RBM3: variants seen among roughly 807,000 people sequenced by gnomAD.
RBM3 encodes the protein RNA-binding protein 3.
Under a neutral mutation model 12.0 loss-of-function variants are expected in RBM3, and 3 were observed. The ratio of observed to expected loss-of-function variants is 0.25; its 90% confidence interval spans 0.11 to 0.65. The LOEUF (loss-of-function observed/expected upper bound fraction) is 0.65. RBM3 is among the 30% of genes least tolerant of loss of function. RBM3 has a pLI of 0.84. For missense variants in RBM3, 108 were observed against 134.5 expected (o/e 0.80, Z 0.97); for synonymous variants, 58 against 45.7 (o/e 1.27, Z -1.08).
At chrX:48,574,783 GGACTGGTGGCGTCGGTGGTGGCAGT>G (rs1209727577) in intron 1 of RBM3, 6 of 334,109 alleles carry the variant, frequency 1.8e-5, no homozygotes, top group African/African-American at 1.6e-4. Context: ...CTACCGGGAG[GGACTGGTGGCGTCGGTGGTGGCAGT>G]GACCACGCGA....
intron 3 of RBM3, 125 bp from the exon 4 acceptor site, chrX:48,576,189 G>A: frequency 8.6e-7 from 1 of 1,167,513 alleles, no homozygotes; most frequent in Non-Finnish European, 1.1e-6. Flanking sequence ...CTGGAACATG[G>A]CACCCAGAAC....
Position 48,576,406 on chromosome X carries a change from C to A in RBM3, c.303C>A (p.Arg101=). Residue 101 remains arginine, a synonymous_variant, in exon 4 of 7, where the codon CGC becomes CGA. Coordinates refer to ENST00000376759, the MANE Select transcript of RBM3 (RefSeq NM_006743.5). ...GGGFGAHGRG[R]SYSRGGGDQG... The stretch of plus-strand genomic sequence containing the variant: ...GCTTTGGGGCCCATGGGCGTGGTCG[C>A]AGCTACTCTAGAGGTGAGTGCAGTG... 2 of 1,210,190 alleles carry A rather than the reference C, an allele frequency of 1.7e-6. No individual in the cohort carries two copies. Among genetic ancestry groups the A allele is most frequent in the Non-Finnish European group, 2.2e-6 (2 of 894,890 alleles).
At position 48,579,098 on chromosome X, in the gene RBM3, AGTG is replaced by A. The variant is rs1397739020; in HGVS notation, c.*1660_*1662del. On this transcript the variant is annotated 3_prime_UTR_variant, in exon 7 of 7. Transcript: ENST00000376759. ...GGTGTGTGTGTGTCTTGGGTGGTAA[AGTG>A]GTAATTTTGTAATTCTAGCTGGTCT... The A allele has an allele frequency of 2.7e-5, 3 of 111,034 alleles. No homozygotes were observed. The Admixed American group carries it at 2.9e-4, about 11-fold the overall frequency. 9.2% of individuals were successfully genotyped at this position (111,034 alleles called of 1,213,427 possible). A position where few individuals can be genotyped will look rare whatever the true frequency, so the allele number is the denominator to read the frequency against.
chrX:48,579,104 A>G lies in RBM3; in HGVS notation c.*1663A>G, dbSNP rs1303392627. 2.7e-5 allele frequency: 3 copies of G among 111,021 alleles called. No individual in the cohort carries two copies. Among genetic ancestry groups the G allele is most frequent in the African/African-American group, 9.8e-5 (3 of 30,552 alleles). The allele number at this position is 111,021 out of a possible 1,213,427, so 9.1% of individuals were successfully genotyped here. ...TGTGTGTCTTGGGTGGTAAAGTGGTAATTTTGTAATTCTAGCTGGTCTTAG... is the reference window on the plus strand; with the variant it reads ...TGTGTGTCTTGGGTGGTAAAGTGGTGATTTTGTAATTCTAGCTGGTCTTAG... On this transcript the variant is annotated 3_prime_UTR_variant, in exon 7 of 7. Coordinates refer to ENST00000376759, the MANE Select transcript of RBM3 (RefSeq NM_006743.5).
At chrX:48,575,453 C>T in intron 2 of RBM3, 108 bp from the exon 3 acceptor site, 1 of 799,152 alleles carries the variant, frequency 1.3e-6, no homozygotes, top group Non-Finnish European at 1.8e-6. Flanking sequence ...TTAGTGGGAG[C>T]GCTCCGTTTT....
At position 48,577,314 on chromosome X, in the gene RBM3, T is replaced by C. The variant is rs782597171; in HGVS notation, c.*24-151T>C. ...AGGGGGTGGGATCTGAAAACCCATCTCCTATAATCTTCTACTCTTGTGTGG... is the reference window on the plus strand; with the variant it reads ...AGGGGGTGGGATCTGAAAACCCATCCCCTATAATCTTCTACTCTTGTGTGG... On this transcript the variant is annotated intron_variant, in intron 6 of 6. Coordinates refer to ENST00000376759, the MANE Select transcript of RBM3 (RefSeq NM_006743.5). 11 of 946,246 alleles carry C rather than the reference T, an allele frequency of 1.2e-5. No homozygotes were observed. In the Admixed American group the frequency reaches 3.9e-4, roughly 34 times the overall value. The allele number at this position is 946,246 out of a possible 1,213,427, so 78.0% of individuals were successfully genotyped here. A position where few individuals can be genotyped will look rare whatever the true frequency, so the allele number is the denominator to read the frequency against.
At chrX:48,577,401 A>T (rs1316160732) in intron 6 of RBM3, 64 bp from the exon 7 acceptor site, 2 of 859,780 alleles carry the variant, frequency 2.3e-6, no homozygotes, top group Admixed American at 2.9e-5. Context: ...CAGCTCTAGG[A>T]GGTGAGCATG....
chrX:48,580,694 T>G lies in RBM3; in HGVS notation c.*3253T>G, dbSNP rs2062098360. 1 of 112,160 alleles carries G rather than the reference T, an allele frequency of 8.9e-6. No homozygotes were observed. The highest frequency in any genetic ancestry group is 3.2e-5 in the African/African-American group (1 of 30,841). The allele number at this position is 112,160 out of a possible 1,213,427, so 9.2% of individuals were successfully genotyped here. ...CAGGCGTGAGCCACCACACCTGGCC[T>G]AGGAGTTAAGAGTATTAAATGTTAA... On this transcript the variant is annotated 3_prime_UTR_variant, in exon 7 of 7. Transcript: ENST00000376759.
intron 1 of RBM3, 171 bp from the exon 2 acceptor site, chrX:48,574,997 T>A (rs782594464): frequency 3.3e-4 from 153 of 458,136 alleles, no homozygotes; most frequent in Non-Finnish European, 5.4e-4. Flanking sequence ...AGCCAGCTCC[T>A]CAGATTACCA....
chrX:48,575,133 C>T, intron 1 of RBM3, 35 bp from the exon 2 acceptor site: 1 of 1,025,696 alleles, frequency 9.7e-7, no homozygotes, highest in Non-Finnish European at 1.4e-6. Context: ...TTTTCTTTCT[C>T]CTTCCTGCCA....
At position 48,580,867 on chromosome X, in the gene RBM3, C is replaced by T. The variant is rs1266563639; in HGVS notation, c.*3426C>T. ...AGGTATATAAAAAAACATTGGTTGA[C>T]AATAAGCCAGTGTTCTGCCATTCTT... On this transcript the variant is annotated 3_prime_UTR_variant, in exon 7 of 7. Transcript: ENST00000376759. 9.0e-6 allele frequency: 1 copy of T among 111,535 alleles called. No homozygotes were observed. The highest frequency in any genetic ancestry group is 1.9e-5 in the Non-Finnish European group (1 of 53,145). 9.2% of individuals were successfully genotyped at this position (111,535 alleles called of 1,213,427 possible).
rs1556990115 is a variant in RBM3, at chrX:48,579,735, T to C, written c.*2294T>C. On this transcript the variant is annotated 3_prime_UTR_variant, in exon 7 of 7. Coordinates refer to ENST00000376759, the MANE Select transcript of RBM3 (RefSeq NM_006743.5). ...GAGGTAGGATCCATAATCAGTAATA[T>C]TCCTGCAACAAAATGTTCCTAAGTG... 1 of 111,630 alleles carries C rather than the reference T, an allele frequency of 9.0e-6. No homozygotes were observed. The highest frequency in any genetic ancestry group is 3.3e-5 in the African/African-American group (1 of 30,727). The allele number at this position is 111,630 out of a possible 1,213,427, so 9.2% of individuals were successfully genotyped here. A position where few individuals can be genotyped will look rare whatever the true frequency, so the allele number is the denominator to read the frequency against.
intron 1 of RBM3, 87 bp from the exon 2 acceptor site, chrX:48,575,081 C>G (rs1015947150): frequency 1.4e-6 from 1 of 690,648 alleles, no homozygotes. Context: ...ATTTTCTGTG[C>G]TTTTTCTCTG....
rs1234958060 is a variant in RBM3, at chrX:48,579,354, ATTAG to A, written c.*1916_*1919del. Among the ~76,000 whole-genome samples, 4 of 111,988 alleles carry A rather than the reference ATTAG, an allele frequency of 3.6e-5. No homozygotes were observed. The highest frequency in any genetic ancestry group is 1.9e-4 in the Admixed American group (2 of 10,466). On this transcript the variant is annotated 3_prime_UTR_variant, in exon 7 of 7. Coordinates refer to ENST00000376759, the MANE Select transcript of RBM3 (RefSeq NM_006743.5). ...CTGGTGCGTTGTGGAACCCTGTATTATTAGTTCCAGTCCTGGAGGCCTGCCTCCT... is the reference window on the plus strand; with the variant it reads ...CTGGTGCGTTGTGGAACCCTGTATTATTCCAGTCCTGGAGGCCTGCCTCCT...
chrX:48,580,179 C>T lies in RBM3; in HGVS notation c.*2738C>T. Reference sequence around the variant, plus strand: ...TGTCTGTACCAAAAATCTTTCTGAACCATTCACCAAATCTCTTGTCAAGGG... The same window carrying T: ...TGTCTGTACCAAAAATCTTTCTGAATCATTCACCAAATCTCTTGTCAAGGG... On this transcript the variant is annotated 3_prime_UTR_variant, in exon 7 of 7. Transcript: ENST00000376759. 9.0e-6 allele frequency: 1 copy of T among 111,558 alleles called. No individual in the cohort carries two copies. The highest frequency in any genetic ancestry group is 1.9e-5 in the Non-Finnish European group (1 of 53,130). The allele number at this position is 111,558 out of a possible 1,213,427, so 9.2% of individuals were successfully genotyped here.
At chrX:48,576,942 T>G (rs1556989428) in intron 5 of RBM3, 84 bp from the exon 6 acceptor site, 1 of 1,077,296 alleles carries the variant, frequency 9.3e-7, no homozygotes, top group East Asian at 3.1e-5. Flanking sequence ...TTATGACCCA[T>G]ACTGTAAAAT....
rs1192386244 is a variant in RBM3 at position 48,578,583 on chromosome X, AT to A, written c.*1143del. 2 of 98,418 alleles carry A rather than the reference AT, an allele frequency of 2.0e-5. No individual in the cohort carries two copies. Among genetic ancestry groups the A allele is most frequent in the Non-Finnish European group, 2.1e-5 (1 of 48,198 alleles). 8.1% of individuals were successfully genotyped at this position (98,418 alleles called of 1,213,427 possible). A position where few individuals can be genotyped will look rare whatever the true frequency, so the allele number is the denominator to read the frequency against. On this transcript the variant is annotated 3_prime_UTR_variant, in exon 7 of 7. Transcript: ENST00000376759. ...AAGACTCTGTCTCAAAAAAAAAAAAATGGCACATCAACGAGAGGGAGGCTTG... is the reference window on the plus strand; with the variant it reads ...AAGACTCTGTCTCAAAAAAAAAAAAAGGCACATCAACGAGAGGGAGGCTTG...
rs1443154805 is a variant in RBM3 at position 48,581,074 on chromosome X, G to GC, written c.*3633_*3634insC. ...AGGAAGTGCCCTGGATCTGGGGGCG[G>GC]GGGGGGGCGGGGGGAATGGGTCTTT... is the stretch of plus-strand genomic sequence containing the variant. On this transcript the variant is annotated 3_prime_UTR_variant, in exon 7 of 7. Transcript: ENST00000376759. 30 of 104,118 alleles carry GC rather than the reference G, an allele frequency of 2.9e-4. 1 individual carries two copies. The highest frequency in any genetic ancestry group is 1.0e-3 in the African/African-American group (28 of 27,456). 8.6% of individuals were successfully genotyped at this position (104,118 alleles called of 1,213,427 possible).
rs1478639406 is a variant in RBM3, at chrX:48,580,908, C to T, written c.*3467C>T. ...TGCCATTCTTACCTGCTTATCAAGA[C>T]AAAACCTGCTCAAGTCCCTGCCCAG... On this transcript the variant is annotated 3_prime_UTR_variant, in exon 7 of 7. Coordinates refer to ENST00000376759, the MANE Select transcript of RBM3 (RefSeq NM_006743.5). The T allele has an allele frequency of 4.5e-5, 5 of 111,337 alleles. No homozygotes were observed. The highest frequency in any genetic ancestry group is 9.4e-5 in the Non-Finnish European group (5 of 53,117). The allele number at this position is 111,337 out of a possible 1,213,427, so 9.2% of individuals were successfully genotyped here. A position where few individuals can be genotyped will look rare whatever the true frequency, so the allele number is the denominator to read the frequency against.
Sources: gnomAD v4.1 joint callset for allele counts (sites outside exome capture counted in the v4.1 genomes callset) on GRCh38, gnomAD v4.1.1 for gene constraint, MANE v1.5 for transcripts, NCBI Gene and HGNC (gene_info 2026-07-23, HGNC 2026-07-21) for gene names.